The following XCR1 variants were observed in gnomAD, a reference collection of about 807,000 sequenced individuals.
XCR1 encodes X-C motif chemokine receptor 1, also known as chemokine XC receptor 1.
For missense variants in XCR1, 356 were observed against 424.2 expected, an observed-to-expected ratio of 0.84 and a Z score of 1.41; for synonymous variants, 187 against 188.5, an observed-to-expected ratio of 0.99 and a Z score of 0.06.
At chr3:46,048,103 T>C (rs1347746438) in intron 5 of XCR1, among the ~76,000 whole-genome samples, 1 of 152,204 alleles carries the variant, frequency 6.6e-6, no homozygotes, top group East Asian at 1.9e-4. Context: ...GTGACGTTTT[T>C]GTGGTGATAC....
intron 4 of XCR1, among the ~76,000 whole-genome samples, chr3:46,058,138 A>G (rs908878047): frequency 1.3e-5 from 2 of 152,214 alleles, no homozygotes; most frequent in African/African-American, 4.8e-5. Flanking sequence ...CCTCTCTCGT[A>G]TGATTCAATT....
At position 46,050,148 on chromosome 3, in the gene XCR1, G is replaced by T. The variant is rs181060248; in HGVS notation, c.-32+3772C>A. 1.1e-3 allele frequency among the ~76,000 whole-genome samples: 173 copies of T among 152,186 alleles called. 2 individuals are homozygous for T. In the East Asian group the frequency reaches 0.031, roughly 28 times the overall value. On this transcript the variant is annotated intron_variant, in intron 5 of 5. Coordinates refer to the XCR1 transcript ENST00000683768. Reference sequence around the variant, plus strand: ...GTAGGAAGAATAAACAAAAGCAAAGGTTTTTGCAGTTGTAGCGGTGAGGCA... The same window carrying T: ...GTAGGAAGAATAAACAAAAGCAAAGTTTTTTGCAGTTGTAGCGGTGAGGCA...
intron 1 of XCR1, among the ~76,000 whole-genome samples, chr3:46,081,072 A>G (rs773228467): frequency 6.6e-6 from 1 of 152,214 alleles, no homozygotes; most frequent in Non-Finnish European, 1.5e-5. Context: ...AAGTAGTAAG[A>G]AAATTGTTAT....
chr3:46,056,824 T>C (rs1697861659), intron 4 of XCR1, among the ~76,000 whole-genome samples: 1 of 152,030 alleles, frequency 6.6e-6, no homozygotes, highest in African/African-American at 2.4e-5. Context: ...CACCCATGTG[T>C]TTGTTTACCT....
At chr3:46,082,832 A>T (rs1031241904) in intron 1 of XCR1, among the ~76,000 whole-genome samples, 1 of 152,236 alleles carries the variant, frequency 6.6e-6, no homozygotes, top group Non-Finnish European at 1.5e-5. Flanking sequence ...TGACTGTAGC[A>T]TGGAGGGATA....
At chr3:46,062,426 G>C (rs1207076889) in intron 4 of XCR1, among the ~76,000 whole-genome samples, 3 of 152,214 alleles carry the variant, frequency 2.0e-5, no homozygotes, top group Non-Finnish European at 4.4e-5. Flanking sequence ...ACTCCTCTAA[G>C]GGCAACTTTT....
chr3:46,069,545 C>G (rs536944144), intron 3 of XCR1, among the ~76,000 whole-genome samples: 1 of 152,202 alleles, frequency 6.6e-6, no homozygotes, highest in African/African-American at 2.4e-5. Context: ...TTGACTCTCC[C>G]AAAACTTAAC....
chr3:46,026,092 T>G (rs1456081759), intron 1 of XCR1, among the ~76,000 whole-genome samples: 1 of 152,124 alleles, frequency 6.6e-6, no homozygotes, highest in East Asian at 1.9e-4. Context: ...CTGATAAATG[T>G]AGAAAAGCAT....
chr3:46,085,293 A>C (rs368720029), intron 1 of XCR1, among the ~76,000 whole-genome samples: 3 of 152,056 alleles, frequency 2.0e-5, no homozygotes, highest in Non-Finnish European at 4.4e-5. Flanking sequence ...AATGTGATCT[A>C]CATCTATACA....
chr3:46,068,044 A>G (rs540342369), intron 3 of XCR1, among the ~76,000 whole-genome samples: 1 of 152,352 alleles, frequency 6.6e-6, no homozygotes, highest in East Asian at 1.9e-4. Context: ...TGGATTCACT[A>G]GGATGCTCTT....
rs376028715 is a variant in XCR1 at position 46,021,965 on chromosome 3, G to T, written c.-18C>A. ...GACTCCATCTGGACCAGATGGCAGG[G>T]ACGTTTAGAGCATCTGAAATGATAG... On this transcript the variant is annotated 5_prime_UTR_variant, in exon 2 of 2. Coordinates refer to ENST00000309285, the MANE Select transcript of XCR1 (RefSeq NM_001024644.2). The surrounding 1 kb of genome is among the most constrained non-coding windows in gnomAD (Gnocchi z 4.7). 5.7e-6 allele frequency: 9 copies of T among 1,592,574 alleles called. No individual in the cohort carries two copies. In the African/African-American group the frequency reaches 1.2e-4, roughly 21 times the overall value.
chr3:46,052,338 T>C (rs1298360296), intron 5 of XCR1, among the ~76,000 whole-genome samples: 1 of 152,086 alleles, frequency 6.6e-6, no homozygotes, highest in Non-Finnish European at 1.5e-5. Flanking sequence ...ATGCCCTGAT[T>C]GTTTGTGGGG....
intron 5 of XCR1, among the ~76,000 whole-genome samples, chr3:46,036,150 G>C (rs1053967942): frequency 7.2e-5 from 11 of 152,232 alleles, no homozygotes; most frequent in African/African-American, 2.2e-4. Context: ...GCTGTTGAAT[G>C]AGAAAGTGGG....
chr3:46,059,198 G>C (rs1386681073), intron 4 of XCR1, among the ~76,000 whole-genome samples: 4 of 152,178 alleles, frequency 2.6e-5, no homozygotes, highest in Non-Finnish European at 5.9e-5. Flanking sequence ...CTCTGTCTCA[G>C]CCTGTACCTA....
chr3:46,031,467 C>T (rs1435818928), upstream of XCR1, among the ~76,000 whole-genome samples: 2 of 152,198 alleles, frequency 1.3e-5, no homozygotes, highest in South Asian at 2.1e-4. Flanking sequence ...TCACCTTGGC[C>T]CCCTCTGGAC....
At chr3:46,057,807 T>C (rs1220352116) in intron 4 of XCR1, among the ~76,000 whole-genome samples, 2 of 152,186 alleles carry the variant, frequency 1.3e-5, no homozygotes, top group African/African-American at 4.8e-5. Context: ...ATTTCCCTAA[T>C]CAGTCCCTAC....
chr3:46,029,458 G>C (rs1169080407), upstream of XCR1, among the ~76,000 whole-genome samples: 1 of 152,140 alleles, frequency 6.6e-6, no homozygotes, highest in Non-Finnish European at 1.5e-5. Context: ...GCCTCCCAAA[G>C]TGCTGGGATT....
At chr3:46,036,626 TTTTG>T (rs1697435617) in intron 5 of XCR1, among the ~76,000 whole-genome samples, 2 of 152,344 alleles carry the variant, frequency 1.3e-5, no homozygotes, top group Admixed American at 6.5e-5. Context: ...TAACATATAT[TTTTG>T]TTTGGGCTTT....
At chr3:46,027,082 A>G (rs537065691) in intron 1 of XCR1, among the ~76,000 whole-genome samples, 6 of 151,890 alleles carry the variant, frequency 4.0e-5, no homozygotes, top group Admixed American at 1.3e-4. Context: ...ATAGGGTCTC[A>G]TCATGTTAGG....
Sources: allele counts gnomAD v4.1 joint callset (sites outside exome capture counted in the v4.1 genomes callset), GRCh38; gene constraint gnomAD v4.1.1; non-coding constraint Gnocchi (gnomAD v3.1); transcripts MANE v1.5; gene names NCBI Gene and HGNC (gene_info 2026-07-23, HGNC 2026-07-21).